JAKMIP3: variants seen among roughly 807,000 people sequenced by gnomAD.
JAKMIP3 encodes Janus kinase and microtubule interacting protein 3.
JAKMIP3 carries 58 observed loss-of-function variants against 118.5 expected under a neutral mutation model. That is an observed-to-expected ratio of 0.49 (90% CI 0.40 to 0.61). JAKMIP3 has a LOEUF of 0.61. JAKMIP3 is among the 20% of genes least tolerant of loss of function. The pLI, the probability that JAKMIP3 is intolerant of heterozygous loss-of-function variation, is 0.00. For missense variants in JAKMIP3, 950 were observed against 1,109.0 expected (o/e 0.86, Z 2.04); for synonymous variants, 486 against 451.2 (o/e 1.08, Z -0.98).
upstream of JAKMIP3, among the ~76,000 whole-genome samples, chr10:132,063,926 C>A (rs892309263): frequency 6.6e-6 from 1 of 152,184 alleles, no homozygotes; most frequent in Non-Finnish European, 1.5e-5. Context: ...CACACAGGCA[C>A]GCGTTTTTAA....
chr10:132,145,037 C>T (rs2637627), intron 11 of JAKMIP3, 70 bp from the exon 12 acceptor site: 788,326 of 1,312,940 alleles, frequency 0.6, 241,627 homozygotes, highest in African/African-American at 0.85. Context: ...TTCTGACGTC[C>T]CACGAGTGTG....
At chr10:132,161,523 G>GTA (rs1564986445) in intron 19 of JAKMIP3, among the ~76,000 whole-genome samples, 11 of 62,072 alleles carry the variant, frequency 1.8e-4, no homozygotes, top group Non-Finnish European at 2.9e-4. Context: ...ATGCTGGGGG[G>GTA]CCTCTCCCTG....
At chr10:132,075,584 A>AT (rs1171667570) in intron 1 of JAKMIP3, among the ~76,000 whole-genome samples, 1 of 151,678 alleles carries the variant, frequency 6.6e-6, no homozygotes, top group Non-Finnish European at 1.5e-5. Context: ...TAATTTATAT[A>AT]TTTTTAGTAG....
chr10:132,181,467 C>T (rs1043843896), intron 23 of JAKMIP3: 5 of 152,148 alleles, frequency 3.3e-5, no homozygotes, highest in African/African-American at 1.2e-4. Context: ...TCACCTTTTC[C>T]CTCTGTAAAA....
intron 3 of JAKMIP3, among the ~76,000 whole-genome samples, chr10:132,131,964 G>A (rs1441583331): frequency 2.6e-5 from 4 of 152,204 alleles, no homozygotes; most frequent in Non-Finnish European, 4.4e-5. Flanking sequence ...CAAGGTGGGG[G>A]CTCCTGATAA....
intron 1 of JAKMIP3, among the ~76,000 whole-genome samples, chr10:132,081,536 TGA>T (rs1362464493): frequency 2.0e-5 from 3 of 152,226 alleles, no homozygotes; most frequent in Non-Finnish European, 2.9e-5. Context: ...GAGTGAATCC[TGA>T]GTCTTGTCTG....
intron 19 of JAKMIP3, among the ~76,000 whole-genome samples, chr10:132,163,000 G>A (rs2136562991): frequency 6.6e-6 from 1 of 152,330 alleles, no homozygotes; most frequent in Middle Eastern, 3.4e-3. Flanking sequence ...GGCCTGGTCA[G>A]CGTCTCTGCT....
chr10:132,111,613 G>A (rs961937035), intron 2 of JAKMIP3, among the ~76,000 whole-genome samples: 1 of 151,918 alleles, frequency 6.6e-6, no homozygotes. Flanking sequence ...GGGGGTTACT[G>A]ATCACTATGC....
rs1349388463 is a variant in JAKMIP3 at position 132,180,760 on chromosome 10, CGTGTGTGTGCGTGT to C, written c.*1104-1585_*1104-1572del. ...GTGCGTGCGTGCGCGCGCGTGTGTG[CGTGTGTGTGCGTGT>C]GTGTGTGTGCGCGTATGCATGTGCT... On this transcript the variant is annotated intron_variant, in intron 23 of 23. Transcript: ENST00000684848. Among the ~76,000 whole-genome samples, 21 of 14,734 alleles carry C rather than the reference CGTGTGTGTGCGTGT, an allele frequency of 1.4e-3. 9 individuals are homozygous for C. Among genetic ancestry groups the C allele is most frequent in the African/African-American group, 1.7e-3 (4 of 2,404 alleles). 9.7% of individuals were successfully genotyped at this position (14,734 alleles called of 152,430 possible).
rs368150149 is a variant in JAKMIP3, at chr10:132,178,233, A to G, written c.*1104-4124A>G. ...CCATTCCAGCATCCGTGTGAGCCAC[A>G]TGGGGCTCCGCCGTGGTGGCTGGGG... On this transcript the variant is annotated intron_variant, in intron 23 of 23. Coordinates refer to ENST00000684848, the MANE Select transcript of JAKMIP3 (RefSeq NM_001323087.2). 5.1e-4 allele frequency among the ~76,000 whole-genome samples: 78 copies of G among 152,382 alleles called. 2 individuals are homozygous for G. The South Asian group carries it at 0.015, about 29-fold the overall frequency.
chr10:132,113,472 C>T lies in JAKMIP3; in HGVS notation c.136-3605C>T, dbSNP rs1003694915. On this transcript the variant is annotated intron_variant, in intron 2 of 23. Coordinates refer to ENST00000684848, the MANE Select transcript of JAKMIP3 (RefSeq NM_001323087.2). ...GCTCTGCTAATGATAAGGAACAAAGCGGCCACCTGGCTGTCCCAGCCTGAG... is the reference window on the plus strand; with the variant it reads ...GCTCTGCTAATGATAAGGAACAAAGTGGCCACCTGGCTGTCCCAGCCTGAG... Among the ~76,000 whole-genome samples the T allele has an allele frequency of 4.8e-4, 73 of 152,182 alleles. 1 individual carries two copies. The highest frequency in any genetic ancestry group is 1.2e-3 in the Admixed American group (18 of 15,286).
At chr10:132,164,865 C>CG (rs1313677095) in intron 21 of JAKMIP3, 130 bp downstream of exon 21, 9 of 669,976 alleles carry the variant, frequency 1.3e-5, no homozygotes, top group Non-Finnish European at 2.1e-5. Flanking sequence ...CAGCGGGAAG[C>CG]GGCCGCCTGG....
At chr10:132,045,985 T>C (rs1479829899) in intron 1 of JAKMIP3, among the ~76,000 whole-genome samples, 1 of 151,662 alleles carries the variant, frequency 6.6e-6, no homozygotes, top group Admixed American at 6.6e-5. Context: ...AGGTAAAATT[T>C]ACACACAATG....
intron 2 of JAKMIP3, among the ~76,000 whole-genome samples, chr10:132,109,488 A>G: frequency 6.6e-6 from 1 of 152,140 alleles, no homozygotes; most frequent in Non-Finnish European, 1.5e-5. Flanking sequence ...GCGCGCCCGC[A>G]GAGAGGTGTG....
At chr10:132,163,497 C>T in intron 20 of JAKMIP3, 85 bp downstream of exon 20, 1 of 1,209,146 alleles carries the variant, frequency 8.3e-7, no homozygotes, top group Admixed American at 2.1e-5. Flanking sequence ...ACGGCCACAC[C>T]TCCAACCACT....
intron 1 of JAKMIP3, among the ~76,000 whole-genome samples, chr10:132,039,211 C>G (rs2037632813): frequency 6.6e-6 from 1 of 152,172 alleles, no homozygotes; most frequent in African/African-American, 2.4e-5. Context: ...GTCTTGAACT[C>G]CTGATCTCAA....
chr10:132,109,133 C>A (rs866091310), intron 2 of JAKMIP3, among the ~76,000 whole-genome samples: 1 of 117,218 alleles, frequency 8.5e-6, no homozygotes, highest in South Asian at 2.9e-4. Context: ...TACACACACA[C>A]ATATATATAT....
intron 1 of JAKMIP3, among the ~76,000 whole-genome samples, chr10:132,100,063 A>T (rs953758495): frequency 2.6e-5 from 4 of 152,052 alleles, no homozygotes; most frequent in African/African-American, 7.2e-5. Context: ...GCTTGCACCC[A>T]CCCTGGCTCC....
intron 3 of JAKMIP3, among the ~76,000 whole-genome samples, chr10:132,132,959 G>A (rs1198653785): frequency 6.6e-6 from 1 of 152,224 alleles, no homozygotes; most frequent in African/African-American, 2.4e-5. Context: ...GCAGAGTCAG[G>A]AGCTGGAGGT....
Sources: gnomAD v4.1 joint callset for allele counts (sites outside exome capture counted in the v4.1 genomes callset) on GRCh38, gnomAD v4.1.1 for gene constraint, MANE v1.5 for transcripts, NCBI Gene and HGNC (gene_info 2026-07-23, HGNC 2026-07-21) for gene names.